SHOC1: variants seen among roughly 807,000 people sequenced by gnomAD.
SHOC1 encodes protein shortage in chiasmata 1 ortholog.
In SHOC1, 136 loss-of-function variants were observed where a neutral mutation model predicts 179.2. That is an observed-to-expected ratio of 0.76 (90% CI 0.66 to 0.87). SHOC1 has a LOEUF of 0.87. Among genes scored for constraint, SHOC1 ranks in the 40% least tolerant of loss-of-function variants. The pLI is 0.00. For synonymous variants in SHOC1, 489 were observed against 586.6 expected (o/e 0.83, Z 2.41); for missense variants, 1,538 against 1,700.8 (o/e 0.90, Z 1.68).
At position 111,686,810 on chromosome 9, in the gene SHOC1, G is replaced by A. The variant is rs777537903; in HGVS notation, c.4487C>T (p.Pro1496Leu). Residue 1496 changes from proline to leucine, a missense_variant, in exon 28 of 28, where the codon CCT becomes CTT. Transcript: ENST00000682961. Reference protein sequence around the residue: ...KKRRLAYEKVPGRVDGQTRLR... With the variant: ...KKRRLAYEKVLGRVDGQTRLR... ...CCGAGTCTGCCCATCAACTCTACCA[G>A]GGACTTTTTCATATGCTAGACGTCG... 6.2e-7 allele frequency: 1 copy of A among 1,613,646 alleles called. No homozygotes were observed. Among genetic ancestry groups the A allele is most frequent in the Non-Finnish European group, 8.5e-7 (1 of 1,179,724 alleles).
At chr9:111,779,721 C>T (rs1357683387) in intron 4 of SHOC1, among the ~76,000 whole-genome samples, 1 of 152,072 alleles carries the variant, frequency 6.6e-6, no homozygotes, top group Non-Finnish European at 1.5e-5. Flanking sequence ...ATCATTACCA[C>T]CTAGAAATAG....
At chr9:111,699,932 G>C in intron 24 of SHOC1, 22 bp downstream of exon 24, 1 of 1,513,280 alleles carries the variant, frequency 6.6e-7, no homozygotes, top group Non-Finnish European at 9.0e-7. Context: ...TACTTATGAA[G>C]AAACACATAG....
In SHOC1 at chr9:111,692,288, T is replaced by C. The variant is rs753541193; in HGVS notation, c.3689A>G (p.Asn1230Ser). Reference sequence around the variant, plus strand: ...TTCTTTTAGTTCCATAATGGAAGAGTTGTCATTCAAAATGGTGGTTTTGTC... The same window carrying C: ...TTCTTTTAGTTCCATAATGGAAGAGCTGTCATTCAAAATGGTGGTTTTGTC... ...QEDKTTILND[N>S]SSIMELKEIS... Residue 1230 changes from asparagine (N) to serine (S), a missense_variant, in exon 27 of 28, where the codon AAC (asparagine) becomes AGC (serine). Transcript: ENST00000682961. 3.1e-6 allele frequency: 5 copies of C among 1,613,414 alleles called. No individual in the cohort carries two copies. The highest frequency in any genetic ancestry group is 2.2e-5 in the South Asian group (2 of 91,062).
At chr9:111,775,238 A>G (rs1446674182) in intron 5 of SHOC1, among the ~76,000 whole-genome samples, 1 of 151,936 alleles carries the variant, frequency 6.6e-6, no homozygotes, top group Non-Finnish European at 1.5e-5. Context: ...CAGGTGATCT[A>G]CCCACCTTGG....
chr9:111,731,776 T>C (rs1260216992), intron 12 of SHOC1, among the ~76,000 whole-genome samples: 1 of 152,048 alleles, frequency 6.6e-6, no homozygotes, highest in African/African-American at 2.4e-5. Context: ...GTCTTTATTG[T>C]GATATATAAC....
intron 12 of SHOC1, among the ~76,000 whole-genome samples, chr9:111,731,191 A>G (rs1833551245): frequency 6.6e-6 from 1 of 152,204 alleles, no homozygotes; most frequent in Admixed American, 6.5e-5. Context: ...CATATTAGCA[A>G]TAAGACTATT....
At chr9:111,793,679 A>ATTT (rs3031223) in intron 1 of SHOC1, among the ~76,000 whole-genome samples, 33,077 of 147,486 alleles carry the variant, frequency 0.22, 4,623 homozygotes, top group East Asian at 0.35. Context: ...CAATTCTCGA[A>ATTT]TTTTTTTTTT....
intron 2 of SHOC1, among the ~76,000 whole-genome samples, chr9:111,788,377 T>C (rs142164998): frequency 0.013 from 2,018 of 152,182 alleles, 55 homozygotes; most frequent in African/African-American, 0.046. Flanking sequence ...AAACTCCTGA[T>C]CTCAGGTGAT....
intron 11 of SHOC1, among the ~76,000 whole-genome samples, chr9:111,740,847 C>T (rs1286932265): frequency 6.6e-6 from 1 of 152,202 alleles, no homozygotes; most frequent in South Asian, 2.1e-4. Context: ...GCTGGGATTA[C>T]AAGTGTGAGC....
In SHOC1 at chr9:111,780,224, C is replaced by T. The variant is rs113316318; in HGVS notation, c.257+706G>A. On this transcript the variant is annotated intron_variant, in intron 4 of 27. Transcript: ENST00000682961. ...AATGTTTTTTTGTTTCTTTTAAGCA[C>T]AACTAAGGAAAATTTAAATTACAGA... 5.4e-3 allele frequency among the ~76,000 whole-genome samples: 823 copies of T among 152,242 alleles called. 6 individuals are homozygous for T. The highest frequency in any genetic ancestry group is 0.019 in the African/African-American group (776 of 41,544).
chr9:111,711,345 T>G (rs1412622210), intron 18 of SHOC1, among the ~76,000 whole-genome samples: 1 of 152,120 alleles, frequency 6.6e-6, no homozygotes, highest in Non-Finnish European at 1.5e-5. Flanking sequence ...TTCTGAATAA[T>G]GCACACCTGC....
intron 10 of SHOC1, 97 bp downstream of exon 10, chr9:111,746,137 T>C (rs941447353): frequency 2.4e-5 from 17 of 695,012 alleles, no homozygotes; most frequent in Non-Finnish European, 3.4e-5. Context: ...AATTTTTTCA[T>C]AGAGGTATCT....
At chr9:111,693,231 A>G (rs1278402944) in intron 26 of SHOC1, among the ~76,000 whole-genome samples, 3 of 151,610 alleles carry the variant, frequency 2.0e-5, no homozygotes, top group African/African-American at 7.3e-5. Context: ...GCTTGAACCC[A>G]GGAGCTGGAG....
chr9:111,727,512 GACT>G (rs1351759593), intron 13 of SHOC1, 118 bp downstream of exon 13: 1 of 862,668 alleles, frequency 1.2e-6, no homozygotes, highest in Non-Finnish European at 1.6e-6. Flanking sequence ...CATTTTCCTT[GACT>G]ACAAAAAATA....
Position 111,758,741 on chromosome 9 carries a change from G to A in SHOC1, c.550C>T (p.Leu184Phe), listed in dbSNP as rs763600934. The A allele has an allele frequency of 6.2e-7, 1 of 1,600,662 alleles. No individual in the cohort carries two copies. The highest frequency in any genetic ancestry group is 2.2e-5 in the East Asian group (1 of 44,658). Residue 184 changes from leucine to phenylalanine, a missense_variant, in exon 6 of 28, where the codon CTT becomes TTT. Transcript: ENST00000682961. Reference sequence around the variant, plus strand: ...AAGATCTGTCCTTTGAAATCTAAAAGAGGATCCTTTACCAAAAACAGTTTT... The same window carrying A: ...AAGATCTGTCCTTTGAAATCTAAAAAAGGATCCTTTACCAAAAACAGTTTT... ...RLKLFLVKDPLLDFKGQIFTE... is the reference protein window; with the variant it reads ...RLKLFLVKDPFLDFKGQIFTE...
At chr9:111,687,934 T>A (rs1831252723) in intron 27 of SHOC1, among the ~76,000 whole-genome samples, 1 of 152,224 alleles carries the variant, frequency 6.6e-6, no homozygotes, top group African/African-American at 2.4e-5. Context: ...TGTAAATTCA[T>A]GTCTTTAAAG....
chr9:111,727,083 G>A (rs921471915), intron 13 of SHOC1, among the ~76,000 whole-genome samples: 8 of 152,062 alleles, frequency 5.3e-5, no homozygotes, highest in African/African-American at 1.9e-4. Flanking sequence ...ACTTATTCTG[G>A]AATGCCTATT....
intron 27 of SHOC1, among the ~76,000 whole-genome samples, chr9:111,689,116 T>C (rs2131300976): frequency 6.6e-6 from 1 of 152,126 alleles, no homozygotes; most frequent in South Asian, 2.1e-4. Context: ...TGGGGTGCAG[T>C]AGTTCACACC....
chr9:111,718,562 A>G (rs556972520), intron 15 of SHOC1, among the ~76,000 whole-genome samples: 28 of 152,314 alleles, frequency 1.8e-4, no homozygotes, highest in Admixed American at 1.6e-3. Context: ...GCTGTCATTT[A>G]AACTCAGCTA....
Sources: allele counts gnomAD v4.1 joint callset (sites outside exome capture counted in the v4.1 genomes callset), GRCh38; gene constraint gnomAD v4.1.1; transcripts MANE v1.5; gene names NCBI Gene and HGNC (gene_info 2026-07-23, HGNC 2026-07-21).